The following PCOLCE2 variants were observed in gnomAD, a reference collection of about 807,000 sequenced individuals.
PCOLCE2 encodes procollagen C-endopeptidase enhancer 2.
PCOLCE2 carries 42 observed loss-of-function variants against 47.0 expected under a neutral mutation model. That is an observed-to-expected ratio of 0.89 (90% CI 0.70 to 1.16). The LOEUF is 1.16. Among genes scored for constraint, PCOLCE2 ranks in the 50% most tolerant of loss-of-function variants. PCOLCE2 has a pLI of 0.00. For missense variants in PCOLCE2, 500 were observed against 526.1 expected, an observed-to-expected ratio of 0.95 and a Z score of 0.49; for synonymous variants, 169 against 191.7, an observed-to-expected ratio of 0.88 and a Z score of 0.98.
At chr3:142,860,140 C>A (rs1933151711) in intron 2 of PCOLCE2, among the ~76,000 whole-genome samples, 1 of 152,190 alleles carries the variant, frequency 6.6e-6, no homozygotes, top group Admixed American at 6.5e-5. Flanking sequence ...CCTCTTCCTG[C>A]CCCTGACAGC....
intron 2 of PCOLCE2, among the ~76,000 whole-genome samples, chr3:142,857,157 G>C (rs1933079693): frequency 6.6e-6 from 1 of 152,292 alleles, no homozygotes; most frequent in South Asian, 2.1e-4. Context: ...GGTGCTTCGG[G>C]TGCCTTACCA....
intron 6 of PCOLCE2, among the ~76,000 whole-genome samples, chr3:142,827,904 T>A (rs1306896915): frequency 6.6e-6 from 1 of 152,220 alleles, no homozygotes; most frequent in Admixed American, 6.5e-5. Context: ...AGTGGCAGTA[T>A]CCCCCTAGCT....
intron 8 of PCOLCE2, 56 bp downstream of exon 8, chr3:142,820,822 C>A: frequency 1.3e-6 from 2 of 1,487,148 alleles, no homozygotes; most frequent in African/African-American, 1.4e-5. Context: ...CTAGACCAAC[C>A]ATGGCATGGA....
chr3:142,832,449 C>T (rs1478537288), intron 5 of PCOLCE2, among the ~76,000 whole-genome samples: 3 of 152,142 alleles, frequency 2.0e-5, no homozygotes, highest in South Asian at 2.1e-4. Context: ...ATCTCTCCCG[C>T]GTATCTTTAT....
At chr3:142,830,386 G>A (rs1341192453) in intron 5 of PCOLCE2, among the ~76,000 whole-genome samples, 1 of 152,230 alleles carries the variant, frequency 6.6e-6, no homozygotes, top group African/African-American at 2.4e-5. Context: ...TAAAGATGCA[G>A]CCAGAGGGAT....
chr3:142,841,368 A>T (rs1937262785), intron 4 of PCOLCE2, among the ~76,000 whole-genome samples: 1 of 152,240 alleles, frequency 6.6e-6, no homozygotes, highest in South Asian at 2.1e-4. Flanking sequence ...TCAAATAAAA[A>T]TCAAACTTAA....
intron 2 of PCOLCE2, among the ~76,000 whole-genome samples, chr3:142,858,164 G>C (rs765079157): frequency 6.6e-6 from 1 of 152,164 alleles, no homozygotes; most frequent in African/African-American, 2.4e-5. Flanking sequence ...AGAGCCCACT[G>C]TTCCCTCTCC....
At chr3:142,818,588 C>T (rs1387667343) in intron 8 of PCOLCE2, 123 bp from the exon 9 acceptor site, 6 of 757,080 alleles carry the variant, frequency 7.9e-6, no homozygotes, top group Non-Finnish European at 1.3e-5. Flanking sequence ...TACATGTATT[C>T]CATCCACGAT....
intron 7 of PCOLCE2, among the ~76,000 whole-genome samples, chr3:142,822,205 T>A (rs1937023800): frequency 6.6e-6 from 1 of 152,130 alleles, no homozygotes; most frequent in South Asian, 2.1e-4. Context: ...TGTGAGCCAC[T>A]GAACCTGGCC....
At chr3:142,882,972 G>T (rs990301920) in intron 2 of PCOLCE2, among the ~76,000 whole-genome samples, 1 of 151,866 alleles carries the variant, frequency 6.6e-6, no homozygotes, top group African/African-American at 2.4e-5. Context: ...AGGCCGAGGC[G>T]GGTGGATCAC....
chr3:142,860,385 A>G (rs1293072542), intron 2 of PCOLCE2, among the ~76,000 whole-genome samples: 1 of 151,952 alleles, frequency 6.6e-6, no homozygotes, highest in Non-Finnish European at 1.5e-5. Flanking sequence ...CTGCTGGGCT[A>G]ATATTTTTTT....
chr3:142,845,194 G>T (rs1229611289), intron 3 of PCOLCE2, among the ~76,000 whole-genome samples: 1 of 152,080 alleles, frequency 6.6e-6, no homozygotes, highest in Non-Finnish European at 1.5e-5. Context: ...GGCTTTTAGT[G>T]ATAACTCCTG....
At chr3:142,882,164 G>A (rs576107703) in intron 2 of PCOLCE2, among the ~76,000 whole-genome samples, 1 of 151,606 alleles carries the variant, frequency 6.6e-6, no homozygotes, top group East Asian at 2.0e-4. Context: ...CAAGTAGCGA[G>A]GACTACAGAT....
chr3:142,842,113 C>T lies in PCOLCE2; in HGVS notation c.573+811G>A, dbSNP rs1158672926. 3.3e-5 allele frequency among the ~76,000 whole-genome samples: 5 copies of T among 152,138 alleles called. No homozygotes were observed. Among genetic ancestry groups the T allele is most frequent in the Admixed American group, 3.3e-4 (5 of 15,278 alleles). ...TATTTTAAATGACAACCAAAAACAC[C>T]CTAAAGCAGACCAGCTTGTTCTTTG... On this transcript the variant is annotated intron_variant, in intron 4 of 8. Coordinates refer to ENST00000295992, the MANE Select transcript of PCOLCE2 (RefSeq NM_013363.4). This position sits in a 1 kb window ranked among gnomAD's most constrained non-coding sequence, Gnocchi z 4.1.
In PCOLCE2 at chr3:142,867,837, TA is replaced by T. The variant is rs972567659; in HGVS notation, c.193-19366del. On this transcript the variant is annotated intron_variant, in intron 2 of 8. Coordinates refer to ENST00000295992, the MANE Select transcript of PCOLCE2 (RefSeq NM_013363.4). ...ATATAGTAAAGCAGATACCTATATA[TA>T]TAAATAAATTAGAAATATCAGTGAT... is the stretch of plus-strand genomic sequence containing the variant. Among the ~76,000 whole-genome samples, 4 of 152,224 alleles carry T rather than the reference TA, an allele frequency of 2.6e-5. No homozygotes were observed. The East Asian group carries it at 7.7e-4, about 29-fold the overall frequency.
chr3:142,846,624 G>C (rs1026939669), intron 3 of PCOLCE2: 2 of 152,116 alleles, frequency 1.3e-5, no homozygotes, highest in Non-Finnish European at 2.9e-5. Context: ...TAGACCACTT[G>C]ATATTGTCTC....
chr3:142,866,163 T>C (rs148928598), intron 2 of PCOLCE2, among the ~76,000 whole-genome samples: 254 of 152,330 alleles, frequency 1.7e-3, no homozygotes, highest in African/African-American at 5.4e-3. Flanking sequence ...TTTGAATCAG[T>C]AGACTGAGTA....
intron 2 of PCOLCE2, among the ~76,000 whole-genome samples, chr3:142,851,636 A>G (rs1453400561): frequency 6.6e-6 from 1 of 152,186 alleles, no homozygotes. Flanking sequence ...GGCGGAGAAG[A>G]GGTTAAAGAC....
At chr3:142,872,612 TC>T (rs1933412907) in intron 2 of PCOLCE2, among the ~76,000 whole-genome samples, 1 of 152,174 alleles carries the variant, frequency 6.6e-6, no homozygotes, top group Non-Finnish European at 1.5e-5. Context: ...TGATCCCCAT[TC>T]CAACATCCTT....
Sources: gnomAD v4.1 joint callset for allele counts (sites outside exome capture counted in the v4.1 genomes callset) on GRCh38, gnomAD v4.1.1 for gene constraint, Gnocchi (gnomAD v3.1) non-coding constraint, MANE v1.5 for transcripts, NCBI Gene and HGNC (gene_info 2026-07-23, HGNC 2026-07-21) for gene names.